The following SPAG16 variants were observed in gnomAD, a reference collection of about 807,000 sequenced individuals.
SPAG16 encodes sperm associated antigen 16, also known as sperm-associated antigen 16 protein.
Under a neutral mutation model 80.4 loss-of-function variants are expected in SPAG16, and 86 were observed. That is an observed-to-expected ratio of 1.07 (90% CI 0.90 to 1.28). SPAG16 has a LOEUF of 1.28. Among genes scored for constraint, SPAG16 ranks in the 50% most tolerant of loss-of-function variants. The pLI, the probability that SPAG16 is intolerant of heterozygous loss-of-function variation, is 0.00. For synonymous variants in SPAG16, 294 were observed against 265.9 expected (o/e 1.11, Z -1.03); for missense variants, 870 against 765.3 (o/e 1.14, Z -1.61).
At chr2:213,736,146 A>C (rs2067270631) in intron 10 of SPAG16, among the ~76,000 whole-genome samples, 1 of 152,192 alleles carries the variant, frequency 6.6e-6, no homozygotes, top group Non-Finnish European at 1.5e-5. Flanking sequence ...TTTAAAAGGC[A>C]CTGTCATTCT....
At chr2:213,719,053 G>A (rs1246970523) in intron 10 of SPAG16, among the ~76,000 whole-genome samples, 1 of 148,752 alleles carries the variant, frequency 6.7e-6, no homozygotes, top group Non-Finnish European at 1.5e-5. Context: ...GAGTGCACCA[G>A]GCGACACTCG....
chr2:213,393,519 T>A (rs182779399), intron 9 of SPAG16, among the ~76,000 whole-genome samples: 1 of 152,114 alleles, frequency 6.6e-6, no homozygotes, highest in Admixed American at 6.5e-5. Flanking sequence ...TCACAATATT[T>A]ACTTTTTTGT....
chr2:213,597,048 T>A (rs967125911), intron 10 of SPAG16, among the ~76,000 whole-genome samples: 1 of 152,162 alleles, frequency 6.6e-6, no homozygotes, highest in Non-Finnish European at 1.5e-5. Context: ...ACTGGCTTTT[T>A]AAACAGGCAC....
At chr2:213,343,976 A>T (rs2064828409) in intron 6 of SPAG16, among the ~76,000 whole-genome samples, 1 of 152,116 alleles carries the variant, frequency 6.6e-6, no homozygotes, top group African/African-American at 2.4e-5. Context: ...TAAGTATACA[A>T]ATTCAAATTA....
intron 10 of SPAG16, among the ~76,000 whole-genome samples, chr2:213,532,911 T>C (rs1370597516): frequency 1.3e-5 from 2 of 152,192 alleles, no homozygotes; most frequent in Non-Finnish European, 2.9e-5. Flanking sequence ...TAAAGGTTAA[T>C]CCTATGTTTT....
At chr2:213,510,813 T>A (rs1692862661) in intron 10 of SPAG16, among the ~76,000 whole-genome samples, 1 of 152,184 alleles carries the variant, frequency 6.6e-6, no homozygotes, top group Non-Finnish European at 1.5e-5. Context: ...AATATACCTA[T>A]GTTTACCTAG....
intron 9 of SPAG16, among the ~76,000 whole-genome samples, chr2:213,462,218 G>T (rs1263622753): frequency 3.3e-5 from 5 of 152,084 alleles, no homozygotes; most frequent in African/African-American, 1.2e-4. Context: ...TGAAAATAGG[G>T]AATTCCTACA....
At chr2:213,324,757 G>C (rs1013348158) in intron 5 of SPAG16, among the ~76,000 whole-genome samples, 2 of 152,096 alleles carry the variant, frequency 1.3e-5, no homozygotes, top group Admixed American at 1.3e-4. Flanking sequence ...TAAAAACTTA[G>C]TGGAATTTCT....
intron 9 of SPAG16, among the ~76,000 whole-genome samples, chr2:213,399,189 A>T (rs768681511): frequency 6.6e-6 from 1 of 152,082 alleles, no homozygotes; most frequent in Non-Finnish European, 1.5e-5. Flanking sequence ...AGTGGTGGTT[A>T]TACTATTTGT....
Position 213,695,870 on chromosome 2 carries a change from T to G in SPAG16, c.1071-166615T>G, listed in dbSNP as rs1574842853. Among the ~76,000 whole-genome samples the G allele has an allele frequency of 6.6e-5, 10 of 152,262 alleles. 3 individuals carry two copies. The highest frequency in any genetic ancestry group is 6.5e-4 in the Admixed American group (10 of 15,302). Reference sequence around the variant, plus strand: ...TTAATGTAGGTTATGCAGGAAGCCTTTTGTGGTTGTTAAGCATGGGATTGA... The same window carrying G: ...TTAATGTAGGTTATGCAGGAAGCCTGTTGTGGTTGTTAAGCATGGGATTGA... On this transcript the variant is annotated intron_variant, in intron 10 of 15. Coordinates refer to ENST00000331683, the MANE Select transcript of SPAG16 (RefSeq NM_024532.5).
intron 14 of SPAG16, among the ~76,000 whole-genome samples, chr2:214,142,765 A>C (rs1375585241): frequency 1.3e-5 from 2 of 152,194 alleles, no homozygotes; most frequent in Non-Finnish European, 2.9e-5. Flanking sequence ...AGCTTCAAAC[A>C]ACATTAGCCG....
chr2:213,292,255 A>AGG (rs2062304893), intron 1 of SPAG16, among the ~76,000 whole-genome samples: 1 of 152,226 alleles, frequency 6.6e-6, no homozygotes, highest in Non-Finnish European at 1.5e-5. Flanking sequence ...AGACATACAA[A>AGG]TGACCGCTTA....
intron 5 of SPAG16, among the ~76,000 whole-genome samples, chr2:213,318,605 A>T (rs904939294): frequency 3.3e-5 from 5 of 151,932 alleles, no homozygotes; most frequent in African/African-American, 1.2e-4. Context: ...TATCCATGTA[A>T]AACAACTGCA....
At chr2:213,975,291 G>A (rs552436079) in intron 12 of SPAG16, among the ~76,000 whole-genome samples, 155 of 151,088 alleles carry the variant, frequency 1.0e-3, no homozygotes, top group African/African-American at 3.6e-3. Context: ...TAATATCCTA[G>A]GGTGAAATGT....
intron 10 of SPAG16, among the ~76,000 whole-genome samples, chr2:213,598,975 A>G (rs1188678655): frequency 2.0e-5 from 3 of 152,348 alleles, no homozygotes; most frequent in Non-Finnish European, 2.9e-5. Context: ...TTAGCTTTAT[A>G]TCATCTAAAT....
intron 7 of SPAG16, among the ~76,000 whole-genome samples, chr2:213,360,706 G>A (rs911072594): frequency 3.3e-5 from 5 of 152,216 alleles, no homozygotes; most frequent in Non-Finnish European, 7.3e-5. Flanking sequence ...TTAGTAGTGT[G>A]TCATGGAGCT....
chr2:213,725,827 A>G lies in SPAG16; in HGVS notation c.1071-136658A>G, dbSNP rs530302347. 8.5e-5 allele frequency among the ~76,000 whole-genome samples: 13 copies of G among 152,290 alleles called. No individual in the cohort carries two copies. In the South Asian group the frequency reaches 1.4e-3, roughly 17 times the overall value. On this transcript the variant is annotated intron_variant, in intron 10 of 15. Coordinates refer to ENST00000331683, the MANE Select transcript of SPAG16 (RefSeq NM_024532.5). ...AACAGCAACCTAAATAGCTTTATCA[A>G]TTTCTGAGAAGGTTCAAGACTGAAG...
At chr2:213,876,591 A>G (rs10153910) in intron 11 of SPAG16, among the ~76,000 whole-genome samples, 90,386 of 152,068 alleles carry the variant, frequency 0.59, 28,752 homozygotes, top group South Asian at 0.85. Flanking sequence ...AAAGCATTAT[A>G]AGTATTCTAC....
intron 11 of SPAG16, among the ~76,000 whole-genome samples, chr2:213,899,951 A>T (rs184036749): frequency 6.2e-4 from 94 of 152,276 alleles, no homozygotes; most frequent in Admixed American, 1.4e-3. Flanking sequence ...GTCTTGATGC[A>T]GCTTTGTACA....
Sources: gnomAD v4.1 joint callset for allele counts (sites outside exome capture counted in the v4.1 genomes callset) on GRCh38, gnomAD v4.1.1 for gene constraint, MANE v1.5 for transcripts, NCBI Gene and HGNC (gene_info 2026-07-23, HGNC 2026-07-21) for gene names.